AFG2A: variants seen among roughly 807,000 people sequenced by gnomAD.
AFG2A encodes ATPase family gene 2 protein homolog A.
chr4:123,075,741 T>G, the AFG2A span, among the ~76,000 whole-genome samples: 1 of 150,574 alleles, frequency 6.6e-6, no homozygotes, highest in East Asian at 2.0e-4. Context: ...GTGGATCACC[T>G]GAGGTCAGGT....
chr4:122,953,824 T>A, the AFG2A span, among the ~76,000 whole-genome samples: 2 of 152,236 alleles, frequency 1.3e-5, no homozygotes, highest in Admixed American at 6.5e-5. Context: ...ACGTACCCTT[T>A]GCCTATGCAG....
the AFG2A span, among the ~76,000 whole-genome samples, chr4:123,107,296 G>T: frequency 6.6e-6 from 1 of 152,212 alleles, no homozygotes; most frequent in African/African-American, 2.4e-5. Context: ...CCGTGTCCAG[G>T]ACCAGTGAGG....
At chr4:123,277,585 C>T in the AFG2A span, among the ~76,000 whole-genome samples, 1 of 152,056 alleles carries the variant, frequency 6.6e-6, no homozygotes, top group Non-Finnish European at 1.5e-5. Flanking sequence ...CATCTTTTGC[C>T]CATTCAGTAT....
the AFG2A span, among the ~76,000 whole-genome samples, chr4:123,050,478 G>A: frequency 2.0e-5 from 3 of 152,094 alleles, no homozygotes; most frequent in African/African-American, 4.8e-5. Context: ...ATATATTTGG[G>A]TGCTCCACTG....
chr4:123,077,046 GT>G, the AFG2A span, among the ~76,000 whole-genome samples: 76,742 of 108,520 alleles, frequency 0.71, 26,994 homozygotes, highest in East Asian at 0.9. Context: ...TCCTGTTGTT[GT>G]TTTTTTTTTT....
At chr4:123,273,350 A>G in the AFG2A span, among the ~76,000 whole-genome samples, 8 of 152,276 alleles carry the variant, frequency 5.3e-5, no homozygotes, top group Non-Finnish European at 8.8e-5. Flanking sequence ...TGAGGTGTCT[A>G]TAGATCAGCT....
chr4:123,084,762 A>G, the AFG2A span, among the ~76,000 whole-genome samples: 2 of 151,734 alleles, frequency 1.3e-5, no homozygotes, highest in African/African-American at 2.4e-5. Context: ...CCAACTAGCT[A>G]CAACTACAGA....
At chr4:123,097,399 G>A in the AFG2A span, among the ~76,000 whole-genome samples, 1 of 150,112 alleles carries the variant, frequency 6.7e-6, no homozygotes, top group Non-Finnish European at 1.5e-5. Flanking sequence ...GACATTAATA[G>A]TTCAAATGAA....
chr4:123,229,073 A>T, the AFG2A span, among the ~76,000 whole-genome samples: 1 of 151,948 alleles, frequency 6.6e-6, no homozygotes, highest in African/African-American at 2.4e-5. Flanking sequence ...GGATTAAATG[A>T]TATATTAAAA....
chr4:123,199,463 T>TG, the AFG2A span, among the ~76,000 whole-genome samples: 45,958 of 69,076 alleles, frequency 0.67, 14,635 homozygotes, highest in Non-Finnish European at 0.72. Flanking sequence ...TACTCAGAGG[T>TG]TTTTTTTTTT....
At chr4:123,102,654 C>T in the AFG2A span, among the ~76,000 whole-genome samples, 5 of 151,840 alleles carry the variant, frequency 3.3e-5, no homozygotes, top group Admixed American at 2.6e-4. Flanking sequence ...TGTTTGAGAA[C>T]GAATGTTCAG....
At chr4:123,201,090 A>G in the AFG2A span, among the ~76,000 whole-genome samples, 1 of 152,242 alleles carries the variant, frequency 6.6e-6, no homozygotes, top group South Asian at 2.1e-4. Flanking sequence ...TTCTTTACCA[A>G]ATCAGGAAAT....
At chr4:123,020,155 T>G in the AFG2A span, among the ~76,000 whole-genome samples, 1 of 152,184 alleles carries the variant, frequency 6.6e-6, no homozygotes, top group East Asian at 1.9e-4. Context: ...GTCTGCTTCC[T>G]TGTCCTCATG....
the AFG2A span, among the ~76,000 whole-genome samples, chr4:123,164,489 G>A: frequency 1.3e-5 from 2 of 152,068 alleles, no homozygotes; most frequent in African/African-American, 4.8e-5. Flanking sequence ...TCAGCCTCCT[G>A]AGTAGCTGGG....
the AFG2A span, among the ~76,000 whole-genome samples, chr4:123,199,464 T>G: frequency 0.055 from 863 of 15,566 alleles, 30 homozygotes; most frequent in Admixed American, 0.11. Context: ...ACTCAGAGGT[T>G]TTTTTTTTTT....
chr4:123,177,696 T>C, the AFG2A span, among the ~76,000 whole-genome samples: 1 of 152,148 alleles, frequency 6.6e-6, no homozygotes. Flanking sequence ...AAAACTTAAC[T>C]TTGATTTTTC....
chr4:123,231,539 G>A, the AFG2A span, among the ~76,000 whole-genome samples: 1 of 151,930 alleles, frequency 6.6e-6, no homozygotes, highest in Non-Finnish European at 1.5e-5. Flanking sequence ...TCATCAGTAA[G>A]ACTGTTTTGC....
chr4:123,265,838 T>C, the AFG2A span, among the ~76,000 whole-genome samples: 3 of 152,052 alleles, frequency 2.0e-5, no homozygotes, highest in Non-Finnish European at 2.9e-5. Flanking sequence ...ATAATGCCGA[T>C]TTGAGCATTT....
At chr4:122,956,325 A>G in the AFG2A span, among the ~76,000 whole-genome samples, 1 of 152,214 alleles carries the variant, frequency 6.6e-6, no homozygotes, top group African/African-American at 2.4e-5. Flanking sequence ...CCTCCTACCA[A>G]CCCTGTGATA....
Sources: gnomAD v4.1 joint callset for allele counts (sites outside exome capture counted in the v4.1 genomes callset) on GRCh38, gnomAD v4.1.1 for gene constraint, MANE v1.5 for transcripts, NCBI Gene and HGNC (gene_info 2026-07-23, HGNC 2026-07-21) for gene names.